APP: variants seen among roughly 807,000 people sequenced by gnomAD.
APP encodes the protein amyloid-beta precursor protein.
APP carries 31 observed loss-of-function variants against 101.4 expected under a neutral mutation model. The ratio of observed to expected loss-of-function variants is 0.31; its 90% confidence interval spans 0.23 to 0.41. The LOEUF (loss-of-function observed/expected upper bound fraction) is 0.41, where lower values mean the gene tolerates loss of function less well. Among genes scored for constraint, APP ranks in the 10% least tolerant of loss-of-function variants. The probability of loss-of-function intolerance (pLI) is 1.00; values close to 1 mark genes in which losing one functional copy is unlikely to be tolerated. For synonymous variants in APP, 366 were observed against 364.4 expected, an observed-to-expected ratio of 1.00 and a Z score of -0.05; for missense variants, 839 against 1,003.7, an observed-to-expected ratio of 0.84 and a Z score of 2.22.
At chr21:25,893,242 C>A (rs1342267446) in intron 16 of APP, among the ~76,000 whole-genome samples, 2 of 152,136 alleles carry the variant, frequency 1.3e-5, no homozygotes, top group South Asian at 2.1e-4. Flanking sequence ...CACTCCACCC[C>A]CTCAACTCCC....
At chr21:26,019,925 G>C (rs990166429) in intron 6 of APP, among the ~76,000 whole-genome samples, 2 of 152,200 alleles carry the variant, frequency 1.3e-5, no homozygotes, top group African/African-American at 4.8e-5. Flanking sequence ...TTGAAAAATG[G>C]TGGTTTAAAC....
At chr21:25,905,396 G>C (rs550236596) in intron 14 of APP, among the ~76,000 whole-genome samples, 1 of 152,296 alleles carries the variant, frequency 6.6e-6, no homozygotes, top group East Asian at 1.9e-4. Context: ...TTTAGAGATA[G>C]TTTCTTGGCT....
At chr21:26,078,685 A>G (rs1018087453) in intron 3 of APP, among the ~76,000 whole-genome samples, 4 of 152,208 alleles carry the variant, frequency 2.6e-5, no homozygotes, top group African/African-American at 7.2e-5. Flanking sequence ...AAGTTTTGTC[A>G]CACACAAATT....
At chr21:26,034,546 G>A (rs1422292219) in intron 5 of APP, among the ~76,000 whole-genome samples, 3 of 151,286 alleles carry the variant, frequency 2.0e-5, no homozygotes, top group Non-Finnish European at 4.4e-5. Flanking sequence ...GGAGGCTGAG[G>A]CAGGAGAATG....
chr21:26,017,198 C>A (rs1424766523), intron 6 of APP, among the ~76,000 whole-genome samples: 26 of 56,360 alleles, frequency 4.6e-4, no homozygotes, highest in South Asian at 7.3e-4. Context: ...GACTGTATCT[C>A]AAAAAAAAAA....
At chr21:26,127,963 G>C (rs531657065) in intron 1 of APP, among the ~76,000 whole-genome samples, 41 of 152,308 alleles carry the variant, frequency 2.7e-4, no homozygotes, top group Middle Eastern at 3.4e-3. Flanking sequence ...TCTCCTGCGA[G>C]CTATCCCTAC....
chr21:26,052,930 G>A (rs928311648), intron 4 of APP, among the ~76,000 whole-genome samples: 2 of 152,050 alleles, frequency 1.3e-5, no homozygotes, highest in African/African-American at 4.8e-5. Flanking sequence ...TGCGAAACAC[G>A]GCACAGGCAC....
chr21:26,135,397 T>G (rs945022366), intron 1 of APP, among the ~76,000 whole-genome samples: 2 of 152,230 alleles, frequency 1.3e-5, no homozygotes, highest in African/African-American at 4.8e-5. Context: ...GTTATTGAAT[T>G]TTATATCACT....
intron 1 of APP, among the ~76,000 whole-genome samples, chr21:26,169,769 C>G (rs757088929): frequency 3.9e-5 from 6 of 152,238 alleles, no homozygotes; most frequent in Non-Finnish European, 7.3e-5. Flanking sequence ...TCCCGCGGAC[C>G]TTCTGCCTCT....
At chr21:26,093,456 T>A (rs1230673738) in intron 2 of APP, among the ~76,000 whole-genome samples, 1 of 152,102 alleles carries the variant, frequency 6.6e-6, no homozygotes, top group East Asian at 1.9e-4. Context: ...CTATACAACT[T>A]AAAACCAACG....
intron 1 of APP, among the ~76,000 whole-genome samples, chr21:26,160,084 G>T (rs62224880): frequency 0.37 from 56,870 of 151,738 alleles, 11,768 homozygotes; most frequent in African/African-American, 0.57. Flanking sequence ...ACAGACAGAG[G>T]TGGCTTCTAC....
At chr21:25,926,325 G>C (rs907844389) in intron 13 of APP, among the ~76,000 whole-genome samples, 2 of 152,184 alleles carry the variant, frequency 1.3e-5, no homozygotes, top group Non-Finnish European at 2.9e-5. Context: ...AAGAAGCATG[G>C]ACTTACTTGT....
chr21:26,128,003 TGA>T (rs2062718310), intron 1 of APP, among the ~76,000 whole-genome samples: 1 of 152,214 alleles, frequency 6.6e-6, no homozygotes, highest in African/African-American at 2.4e-5. Flanking sequence ...TCAGGAACCC[TGA>T]GAGAGGATTT....
At chr21:25,965,891 T>C (rs1046409918) in intron 11 of APP, among the ~76,000 whole-genome samples, 1 of 152,220 alleles carries the variant, frequency 6.6e-6, no homozygotes, top group African/African-American at 2.4e-5. Context: ...GTAGGTTTGC[T>C]GGAAGAAAGC....
intron 2 of APP, 42 bp downstream of exon 2, chr21:26,111,937 A>T: frequency 6.2e-7 from 1 of 1,610,592 alleles, no homozygotes; most frequent in Non-Finnish European, 8.5e-7. Flanking sequence ...AAACAAATGC[A>T]TGTGATCCAA....
intron 1 of APP, among the ~76,000 whole-genome samples, chr21:26,136,526 C>T (rs893117440): frequency 6.6e-6 from 1 of 152,132 alleles, no homozygotes; most frequent in African/African-American, 2.4e-5. Flanking sequence ...TGGAGTTTTA[C>T]ACCTCTAGAA....
chr21:25,996,481 G>A (rs928649642), intron 8 of APP, among the ~76,000 whole-genome samples: 2 of 152,146 alleles, frequency 1.3e-5, no homozygotes, highest in Non-Finnish European at 2.9e-5. Context: ...TTAAATCATG[G>A]CATCTTGATG....
rs755866188 is a variant in APP at position 26,000,178 on chromosome 21, C to T, written c.870G>A (p.Val290=). The change falls in exon 7 of 18, where the codon GTG becomes GTA. Residue 290 remains valine, a synonymous_variant. Coordinates refer to ENST00000346798, the MANE Select transcript of APP (RefSeq NM_000484.4). ...TESVEEVVRE[V]CSEQAETGPC... is the part of the protein sequence containing the mutation. ...GCCCCGTCTCGGCTTGTTCAGAGCA[C>T]ACCTCTAATCAGAGGAGATGTGGGG... 6.2e-7 allele frequency: 1 copy of T among 1,614,062 alleles called. No homozygotes were observed. Among genetic ancestry groups the T allele is most frequent in the South Asian group, 1.1e-5 (1 of 91,090 alleles).
chr21:26,134,815 C>T (rs1569016452), intron 1 of APP, among the ~76,000 whole-genome samples: 1 of 152,124 alleles, frequency 6.6e-6, no homozygotes, highest in Non-Finnish European at 1.5e-5. Flanking sequence ...ACTGGAGATT[C>T]CAAGGATTTT....
Sources: allele counts gnomAD v4.1 joint callset (sites outside exome capture counted in the v4.1 genomes callset), GRCh38; gene constraint gnomAD v4.1.1; transcripts MANE v1.5; gene names NCBI Gene and HGNC (gene_info 2026-07-23, HGNC 2026-07-21).